The following GFRA2 variants were observed in gnomAD, a reference collection of about 807,000 sequenced individuals.
GFRA2 encodes the protein GDNF family receptor alpha 2.
Under a neutral mutation model 48.3 loss-of-function variants are expected in GFRA2, and 17 were observed. That is an observed-to-expected ratio of 0.35 (90% CI 0.24 to 0.53). The LOEUF is 0.53. Among genes scored for constraint, GFRA2 ranks in the 20% least tolerant of loss-of-function variants. The pLI is 0.93. For synonymous variants in GFRA2, 305 were observed against 257.2 expected, an observed-to-expected ratio of 1.19 and a Z score of -1.78; for missense variants, 660 against 637.3, an observed-to-expected ratio of 1.04 and a Z score of -0.38.
At chr8:21,753,819 G>T (rs188634598) in intron 3 of GFRA2, among the ~76,000 whole-genome samples, 7 of 152,226 alleles carry the variant, frequency 4.6e-5, no homozygotes, top group Non-Finnish European at 7.4e-5. Flanking sequence ...ATTTCCATCA[G>T]CCAGCAAGGC....
chr8:21,705,162 A>G (rs749449754), intron 5 of GFRA2, 37 bp from the exon 6 acceptor site: 1 of 1,583,436 alleles, frequency 6.3e-7, no homozygotes, highest in Non-Finnish European at 8.6e-7. Context: ...GGAGAGAGGT[A>G]CGGTGGGGCC....
At chr8:21,756,191 G>C (rs896278946) in intron 3 of GFRA2, among the ~76,000 whole-genome samples, 1 of 152,208 alleles carries the variant, frequency 6.6e-6, no homozygotes, top group Non-Finnish European at 1.5e-5. Flanking sequence ...AGCTAGTGCT[G>C]GTGTAATTAT....
chr8:21,766,881 G>A (rs1027807124), intron 3 of GFRA2, among the ~76,000 whole-genome samples: 4 of 3,310 alleles, frequency 1.2e-3, no homozygotes, highest in South Asian at 0.012. Flanking sequence ...ACCCGCACAC[G>A]TACATCACCC....
chr8:21,788,505 A>G lies in GFRA2; in HGVS notation c.-346T>C. On this transcript the variant is annotated 5_prime_UTR_variant, in exon 1 of 9. Coordinates refer to ENST00000524240, the MANE Select transcript of GFRA2 (RefSeq NM_001495.5). ...GGAAGGCGTGAGTCCCCGCGGGTCC[A>G]ATTCCCCTGCGCTTCCCAGGAGGGG... 9.4e-7 allele frequency: 1 copy of G among 1,067,338 alleles called. No individual in the cohort carries two copies. Among genetic ancestry groups the G allele is most frequent in the African/African-American group, 1.7e-5 (1 of 60,208 alleles). 66.1% of individuals were successfully genotyped at this position (1,067,338 alleles called of 1,614,324 possible).
intron 2 of GFRA2, among the ~76,000 whole-genome samples, chr8:21,800,663 G>A (rs908087576): frequency 1.1e-4 from 17 of 152,284 alleles, no homozygotes; most frequent in African/African-American, 3.4e-4. Context: ...GGTGGCTCAC[G>A]CCTGTAATCC....
intron 4 of GFRA2, among the ~76,000 whole-genome samples, chr8:21,724,429 G>C (rs1483805128): frequency 6.6e-6 from 1 of 152,204 alleles, no homozygotes; most frequent in Non-Finnish European, 1.5e-5. Flanking sequence ...ATCTGTGGCA[G>C]TGAGGAAAGT....
chr8:21,743,185 A>G (rs2117558273), intron 4 of GFRA2, among the ~76,000 whole-genome samples: 1 of 152,154 alleles, frequency 6.6e-6, no homozygotes, highest in East Asian at 1.9e-4. Flanking sequence ...CCAAGGGGAA[A>G]CTGGATCTCA....
At chr8:21,807,794 C>T (rs12546455) in intron 1 of GFRA2, among the ~76,000 whole-genome samples, 10,497 of 152,224 alleles carry the variant, frequency 0.069, 829 homozygotes, top group East Asian at 0.32. Context: ...AGCCACATAC[C>T]GACTAGGGAA....
At position 21,704,492 on chromosome 8, in the gene GFRA2, A is replaced by G. The variant is rs1802642141; in HGVS notation, c.1045+493T>C. Among the ~76,000 whole-genome samples the G allele has an allele frequency of 2.0e-5, 3 of 152,194 alleles. No homozygotes were observed. The South Asian group carries it at 6.2e-4, about 32-fold the overall frequency. ...ACAGAATAAATAATGGAGGGAAGGA[A>G]AGAGGGAAGAAATCTTCAGGTGGGC... On this transcript the variant is annotated intron_variant, in intron 6 of 8. Coordinates refer to ENST00000524240, the MANE Select transcript of GFRA2 (RefSeq NM_001495.5).
chr8:21,695,860 A>C (rs1802138806), intron 7 of GFRA2, among the ~76,000 whole-genome samples: 1 of 151,960 alleles, frequency 6.6e-6, no homozygotes, highest in African/African-American at 2.4e-5. Context: ...CTCAGTCCCT[A>C]CTTGTGACAT....
Position 21,719,987 on chromosome 8 carries a change from G to A in GFRA2, c.795-13946C>T, listed in dbSNP as rs566236479. Reference sequence around the variant, plus strand: ...CATTCTTCCCATTCCCAATTCTGAAGACCTCCTACTCAAAGACCCAGACCC... The same window carrying A: ...CATTCTTCCCATTCCCAATTCTGAAAACCTCCTACTCAAAGACCCAGACCC... On this transcript the variant is annotated intron_variant, in intron 4 of 8. Coordinates refer to ENST00000524240, the MANE Select transcript of GFRA2 (RefSeq NM_001495.5). 3.9e-5 allele frequency among the ~76,000 whole-genome samples: 6 copies of A among 152,166 alleles called. No homozygotes were observed. In the South Asian group the frequency reaches 1.2e-3, roughly 32 times the overall value.
intron 4 of GFRA2, among the ~76,000 whole-genome samples, chr8:21,713,052 GGAGACGAGGGAA>G (rs1280916249): frequency 7.5e-6 from 1 of 132,548 alleles, no homozygotes; most frequent in African/African-American, 3.6e-5. Flanking sequence ...AGAGGGAGAG[GGAGACGAGGGAA>G]AGGGAGAGGG....
chr8:21,765,683 T>C (rs1806117796), intron 3 of GFRA2, among the ~76,000 whole-genome samples: 1 of 152,110 alleles, frequency 6.6e-6, no homozygotes, highest in East Asian at 1.9e-4. Context: ...AACTGTGTCC[T>C]TGGCACTTCC....
intron 4 of GFRA2, among the ~76,000 whole-genome samples, chr8:21,712,791 G>C (rs908818100): frequency 1.3e-5 from 2 of 152,028 alleles, no homozygotes; most frequent in African/African-American, 4.8e-5. Flanking sequence ...GATCACTCGC[G>C]GTTAGGAGCT....
At chr8:21,719,421 T>A (rs1563226433) in intron 4 of GFRA2, among the ~76,000 whole-genome samples, 1 of 151,774 alleles carries the variant, frequency 6.6e-6, no homozygotes, top group Non-Finnish European at 1.5e-5. Flanking sequence ...TCCACCTATG[T>A]TCCAAACCTC....
At chr8:21,761,334 T>C (rs1805901047) in intron 3 of GFRA2, among the ~76,000 whole-genome samples, 1 of 152,226 alleles carries the variant, frequency 6.6e-6, no homozygotes, top group Non-Finnish European at 1.5e-5. Flanking sequence ...ATCCTGGGGC[T>C]CACATTCTAG....
intron 4 of GFRA2, among the ~76,000 whole-genome samples, chr8:21,712,368 G>A (rs1406724768): frequency 6.6e-5 from 10 of 151,818 alleles, no homozygotes; most frequent in East Asian, 3.9e-4. Context: ...CATCCCAGAC[G>A]GGGCGGCGGG....
intron 3 of GFRA2, among the ~76,000 whole-genome samples, chr8:21,756,794 C>A (rs574429044): frequency 6.6e-6 from 1 of 152,298 alleles, no homozygotes; most frequent in South Asian, 2.1e-4. Flanking sequence ...CTGCCCCGAT[C>A]CCCTGCACTG....
In GFRA2 at chr8:21,701,741, G is replaced by A. The variant is rs528871435; in HGVS notation, c.1218+1064C>T. Among the ~76,000 whole-genome samples the A allele has an allele frequency of 2.0e-4, 31 of 152,286 alleles. 1 individual carries two copies. Among genetic ancestry groups the A allele is most frequent in the African/African-American group, 6.5e-4 (27 of 41,564 alleles). Reference sequence around the variant, plus strand: ...CAAACCAAGATTTGAGCAGGCCCCCGATGGTGAGACTGCACAAAACCAGGC... The same window carrying A: ...CAAACCAAGATTTGAGCAGGCCCCCAATGGTGAGACTGCACAAAACCAGGC... On this transcript the variant is annotated intron_variant, in intron 7 of 8. Coordinates refer to ENST00000524240, the MANE Select transcript of GFRA2 (RefSeq NM_001495.5).
Sources: allele counts gnomAD v4.1 joint callset (sites outside exome capture counted in the v4.1 genomes callset), GRCh38; gene constraint gnomAD v4.1.1; transcripts MANE v1.5; gene names NCBI Gene and HGNC (gene_info 2026-07-23, HGNC 2026-07-21).